Variants in TYW1B observed in about 807,000 individuals in gnomAD.
TYW1B encodes tRNA-yW synthesizing protein 1 homolog B.
Under a neutral mutation model 86.9 loss-of-function variants are expected in TYW1B, and 73 were observed. The observed-to-expected ratio is 0.84, with a 90% CI of 0.70 to 1.02. TYW1B has a LOEUF of 1.02. Ranked by LOEUF, TYW1B falls within the 50% of genes least tolerant of loss-of-function variation. TYW1B has a pLI of 0.00. For synonymous variants in TYW1B, 248 were observed against 292.8 expected, an observed-to-expected ratio of 0.85 and a Z score of 1.56; for missense variants, 637 against 827.4, an observed-to-expected ratio of 0.77 and a Z score of 2.82.
chr7:72,680,066 C>A (rs1458294462), intron 11 of TYW1B, among the ~76,000 whole-genome samples: 2 of 152,190 alleles, frequency 1.3e-5, no homozygotes, highest in Non-Finnish European at 2.9e-5. Context: ...GAGTTCAAGG[C>A]TGTGGTGAGC....
chr7:72,750,555 T>A (rs1275320692), intron 7 of TYW1B, among the ~76,000 whole-genome samples: 1 of 152,226 alleles, frequency 6.6e-6, no homozygotes, highest in Non-Finnish European at 1.5e-5. Context: ...CTTTTGGTTT[T>A]ATCCTGTTTG....
At chr7:72,702,876 T>A (rs186767626) in intron 10 of TYW1B, among the ~76,000 whole-genome samples, 45 of 151,900 alleles carry the variant, frequency 3.0e-4, no homozygotes, top group African/African-American at 1.1e-3. Flanking sequence ...AGTATTCTCA[T>A]TGTTTTCACA....
intron 10 of TYW1B, among the ~76,000 whole-genome samples, chr7:72,704,055 T>G (rs1554453225): frequency 1.3e-5 from 2 of 152,160 alleles, no homozygotes; most frequent in Non-Finnish European, 2.9e-5. Flanking sequence ...TCTGTCATTC[T>G]TGAGACTATA....
At chr7:72,658,710 T>C (rs1394451897) in intron 11 of TYW1B, among the ~76,000 whole-genome samples, 1 of 152,172 alleles carries the variant, frequency 6.6e-6, no homozygotes, top group African/African-American at 2.4e-5. Flanking sequence ...TATATAAACA[T>C]AAGACTATTT....
intron 13 of TYW1B, among the ~76,000 whole-genome samples, chr7:72,578,843 T>A (rs1554429219): frequency 6.6e-6 from 1 of 152,138 alleles, no homozygotes; most frequent in East Asian, 1.9e-4. Flanking sequence ...TTTTTCGGGA[T>A]CCCAGTGTTG....
At chr7:72,659,339 G>C (rs1813277837) in intron 11 of TYW1B, among the ~76,000 whole-genome samples, 1 of 152,176 alleles carries the variant, frequency 6.6e-6, no homozygotes, top group African/African-American at 2.4e-5. Flanking sequence ...AGCACTCTGG[G>C]AGGCCCAGGC....
chr7:72,717,349 T>A (rs1554456356), intron 9 of TYW1B, among the ~76,000 whole-genome samples: 3 of 151,444 alleles, frequency 2.0e-5, no homozygotes, highest in African/African-American at 7.3e-5. Flanking sequence ...TTTCACTTAG[T>A]ACCTCCCCCA....
intron 11 of TYW1B, among the ~76,000 whole-genome samples, chr7:72,689,783 T>C (rs1366045506): frequency 7.9e-5 from 12 of 152,250 alleles, no homozygotes; most frequent in African/African-American, 2.4e-4. Context: ...CCTGGAATTA[T>C]AGGTATTTCT....
chr7:72,625,341 A>G (rs1320764467), intron 12 of TYW1B, among the ~76,000 whole-genome samples: 7 of 152,110 alleles, frequency 4.6e-5, no homozygotes, highest in South Asian at 2.1e-4. Context: ...TAGCTAGGCC[A>G]GGTGCAGTGG....
intron 11 of TYW1B, among the ~76,000 whole-genome samples, chr7:72,684,961 A>C (rs1813971584): frequency 6.6e-6 from 1 of 152,056 alleles, no homozygotes; most frequent in African/African-American, 2.4e-5. Context: ...AAATTTAAAA[A>C]ATTAGCCAAG....
chr7:72,585,399 T>C (rs1315570956), intron 13 of TYW1B, among the ~76,000 whole-genome samples: 1 of 151,978 alleles, frequency 6.6e-6, no homozygotes, highest in African/African-American at 2.4e-5. Context: ...ACATTGGAGG[T>C]GGTTTGTATG....
chr7:72,760,935 T>C (rs1462496738), intron 7 of TYW1B, among the ~76,000 whole-genome samples: 1 of 152,164 alleles, frequency 6.6e-6, no homozygotes, highest in Non-Finnish European at 1.5e-5. Context: ...AAAACAGGTG[T>C]ATATCCTGAA....
chr7:72,741,196 G>C (rs1554462297), intron 8 of TYW1B, among the ~76,000 whole-genome samples: 1 of 152,064 alleles, frequency 6.6e-6, no homozygotes, highest in African/African-American at 2.4e-5. Flanking sequence ...TGCTCAAAGA[G>C]CTAATGGAAA....
At chr7:72,658,676 TG>T (rs1365389009) in intron 11 of TYW1B, among the ~76,000 whole-genome samples, 2 of 152,250 alleles carry the variant, frequency 1.3e-5, no homozygotes, top group African/African-American at 4.8e-5. Context: ...AATATGGATA[TG>T]TATGTACAAA....
chr7:72,717,738 A>C (rs1158494684), intron 9 of TYW1B, among the ~76,000 whole-genome samples: 1 of 152,082 alleles, frequency 6.6e-6, no homozygotes, highest in Non-Finnish European at 1.5e-5. Flanking sequence ...AAGTTACGTG[A>C]AAAAAACACT....
chr7:72,791,176 T>C (rs754170851), intron 6 of TYW1B, among the ~76,000 whole-genome samples: 2 of 152,084 alleles, frequency 1.3e-5, no homozygotes, highest in Admixed American at 1.3e-4. Context: ...CCATGTATAA[T>C]TGGTATGCAC....
chr7:72,823,617 T>C (rs1167352332), intron 2 of TYW1B, among the ~76,000 whole-genome samples: 6 of 150,798 alleles, frequency 4.0e-5, no homozygotes, highest in Non-Finnish European at 8.9e-5. Flanking sequence ...AGACTCCATC[T>C]CAAAAAAATA....
chr7:72,761,461 G>A (rs955256810), intron 7 of TYW1B, among the ~76,000 whole-genome samples: 11 of 151,912 alleles, frequency 7.2e-5, no homozygotes, highest in Non-Finnish European at 1.0e-4. Context: ...ATGATTTTGA[G>A]TCAGACATAG....
intron 11 of TYW1B, among the ~76,000 whole-genome samples, chr7:72,684,981 G>A (rs1244918209): frequency 1.3e-5 from 2 of 151,928 alleles, no homozygotes; most frequent in African/African-American, 2.4e-5. Context: ...GTGTAATGGC[G>A]AGTGCCTGTA....
Sources: allele counts gnomAD v4.1 joint callset (sites outside exome capture counted in the v4.1 genomes callset), GRCh38; gene constraint gnomAD v4.1.1; transcripts MANE v1.5; gene names NCBI Gene and HGNC (gene_info 2026-07-23, HGNC 2026-07-21).